The following TMEM52B variants were observed in gnomAD, a reference collection of about 807,000 sequenced individuals.
TMEM52B encodes the protein transmembrane protein 52B.
A neutral mutation model predicts 16.1 loss-of-function variants in TMEM52B; 11 were observed. The observed-to-expected ratio is 0.68, with a 90% CI of 0.43 to 1.13. TMEM52B has a LOEUF of 1.13. Among genes scored for constraint, TMEM52B ranks in the 50% most tolerant of loss-of-function variants. The pLI, the probability that TMEM52B is intolerant of heterozygous loss-of-function variation, is 0.00. For synonymous variants in TMEM52B, 101 were observed against 93.8 expected (o/e 1.08, Z -0.45); for missense variants, 243 against 230.4 (o/e 1.05, Z -0.35).
exon 1 of TMEM52B, chr12:10,170,639 G>A (rs117397291): frequency 0.03 from 4,502 of 151,964 alleles, 119 homozygotes; most frequent in Middle Eastern, 0.11. Flanking sequence ...TTGCAGCCGC[G>A]CACCACCACA....
chr12:10,184,772 C>G (rs568293776), intron 2 of TMEM52B, among the ~76,000 whole-genome samples: 4 of 152,034 alleles, frequency 2.6e-5, no homozygotes, highest in Non-Finnish European at 4.4e-5. Context: ...TATACACAAG[C>G]CTTAAGTTTC....
chr12:10,182,249 C>T, intron 1 of TMEM52B: 1 of 985,164 alleles, frequency 1.0e-6, no homozygotes, highest in Non-Finnish European at 1.2e-6. Context: ...ACAGAGAGAT[C>T]AGGAATTTTC....
Position 10,179,218 on chromosome 12 carries a change from T to C in TMEM52B, c.-357T>C, listed in dbSNP as rs1948794096. On this transcript the variant is annotated 5_prime_UTR_variant, in exon 1 of 5. An upstream start codon of the reference 5' UTR is lost. Coordinates refer to ENST00000543484, the MANE Select transcript of TMEM52B (RefSeq NM_001384896.1). ...AAATACTTCATTCAGAGGACACATA[T>C]GTCCTCTTTGAATGTCTCCTTTTTG... The C allele has an allele frequency of 3.8e-6, 1 of 262,178 alleles. No individual in the cohort carries two copies. The highest frequency in any genetic ancestry group is 2.2e-5 in the African/African-American group (1 of 46,074). The allele number at this position is 262,178 out of a possible 1,614,324, so 16.2% of individuals were successfully genotyped here.
intron 4 of TMEM52B, among the ~76,000 whole-genome samples, chr12:10,189,101 C>T (rs4537851): frequency 0.94 from 131,819 of 139,538 alleles, 62,412 homozygotes; most frequent in East Asian, 1. Context: ...CTCGGGAGGA[C>T]GAGGCAGGAG....
chr12:10,177,481 T>C (rs530310675), upstream of TMEM52B, among the ~76,000 whole-genome samples: 1 of 152,236 alleles, frequency 6.6e-6, no homozygotes, highest in East Asian at 1.9e-4. Flanking sequence ...CATAATTAGA[T>C]TTACTGAGCT....
rs1948961178 is a variant in TMEM52B at position 10,191,752 on chromosome 12, A to G, written c.*1612A>G. On this transcript the variant is annotated 3_prime_UTR_variant, in exon 5 of 5. Transcript: ENST00000543484. ...CTATGTTACTGTTGTCACACCTGAA[A>G]TGGCTTTGTTTTTATCAATAAATAC... The G allele has an allele frequency of 6.6e-6, 1 of 152,218 alleles. No homozygotes were observed. Among genetic ancestry groups the G allele is most frequent in the Non-Finnish European group, 1.5e-5 (1 of 68,046 alleles). The allele number at this position is 152,218 out of a possible 1,614,324, so 9.4% of individuals were successfully genotyped here.
Position 10,189,983 on chromosome 12 carries a change from T to C in TMEM52B, c.395T>C (p.Leu132Ser), listed in dbSNP as rs1244369422. The change falls in exon 5 of 5, where the codon TTG becomes TCG. Residue 132 changes from leucine to serine, a missense_variant. Coordinates refer to ENST00000543484, the MANE Select transcript of TMEM52B (RefSeq NM_001384896.1). ...HSSLGQLPSS[L>S]DTLPGYEEAL... ...TCCCTGGGCCAGCTGCCCTCCTCTT[T>C]GGACACCCTCCCAGGGTATGAAGAA... 1 of 1,614,164 alleles carries C rather than the reference T, an allele frequency of 6.2e-7. No homozygotes were observed.
At chr12:10,187,557 A>G (rs1948895492) in intron 4 of TMEM52B, among the ~76,000 whole-genome samples, 1 of 151,772 alleles carries the variant, frequency 6.6e-6, no homozygotes, top group Non-Finnish European at 1.5e-5. Context: ...AGCAGCCACC[A>G]CCACACCAGG....
At chr12:10,180,277 T>TTG (rs553998071) in intron 1 of TMEM52B, among the ~76,000 whole-genome samples, 1,676 of 117,768 alleles carry the variant, frequency 0.014, 34 homozygotes, top group East Asian at 0.059. Flanking sequence ...TATGGTTTGT[T>TTG]TTTTTTTTTT....
At chr12:10,172,075 C>G (rs747863436) in intron 1 of TMEM52B, 1 of 1,612,792 alleles carries the variant, frequency 6.2e-7, no homozygotes, top group African/African-American at 1.3e-5. Context: ...CATCAAAAGT[C>G]ATTTCCAAAT....
At position 10,179,571 on chromosome 12, in the gene TMEM52B, C is replaced by T; in HGVS notation, c.-4C>T. 6.2e-7 allele frequency: 1 copy of T among 1,614,170 alleles called. No homozygotes were observed. The highest frequency in any genetic ancestry group is 1.1e-5 in the South Asian group (1 of 91,078). On this transcript the variant is annotated 5_prime_UTR_variant, in exon 1 of 5. Coordinates refer to ENST00000543484, the MANE Select transcript of TMEM52B (RefSeq NM_001384896.1). ...AGATTCTGAAGAAGCAGGAATTCAG[C>T]CCGATGGGAGTCCGAGTTCATGTCG...
upstream of TMEM52B, among the ~76,000 whole-genome samples, chr12:10,177,686 C>T (rs1259805821): frequency 5.3e-5 from 8 of 150,730 alleles, no homozygotes; most frequent in Non-Finnish European, 1.2e-4. Context: ...AGGAGAATTG[C>T]TTGAACCCAG....
intron 2 of TMEM52B, among the ~76,000 whole-genome samples, chr12:10,184,720 T>C (rs1160235190): frequency 6.6e-6 from 1 of 152,212 alleles, no homozygotes; most frequent in Non-Finnish European, 1.5e-5. Context: ...TTCATACTCA[T>C]AACTGAAATT....
At chr12:10,182,280 A>G (rs907232936) in intron 1 of TMEM52B, 5 of 985,236 alleles carry the variant, frequency 5.1e-6, no homozygotes, top group South Asian at 4.7e-5. Flanking sequence ...AAATTAATGT[A>G]AATGGCTACC....
At chr12:10,175,001 T>A (rs1948755507), upstream of TMEM52B, among the ~76,000 whole-genome samples, 2 of 152,234 alleles carry the variant, frequency 1.3e-5, no homozygotes, top group Admixed American at 1.3e-4. Flanking sequence ...CGTTTGGGTT[T>A]ATCCTGTTTT....
At chr12:10,188,980 G>A (rs1948919740) in intron 4 of TMEM52B, among the ~76,000 whole-genome samples, 2 of 125,414 alleles carry the variant, frequency 1.6e-5, no homozygotes, top group African/African-American at 3.1e-5. Flanking sequence ...TCGCGCCACT[G>A]CACTCCAGCC....
At chr12:10,183,051 A>T (rs1324531232) in intron 2 of TMEM52B, among the ~76,000 whole-genome samples, 1 of 152,202 alleles carries the variant, frequency 6.6e-6, no homozygotes, top group Admixed American at 6.5e-5. Context: ...TATCACTTTG[A>T]TGTAGTTATC....
chr12:10,179,652 G>A lies in TMEM52B; in HGVS notation c.54+24G>A, dbSNP rs745789774. 10 of 1,613,878 alleles carry A rather than the reference G, an allele frequency of 6.2e-6. No homozygotes were observed. The Admixed American group carries it at 1.0e-4, about 16-fold the overall frequency. ...TGGTGAGTTCAGTGGTGAAAAGGCA[G>A]AAAGAGTATTTTTCCCCAGATTAAT... On this transcript the variant is annotated intron_variant, in intron 1 of 4. Transcript: ENST00000543484.
At chr12:10,186,178 C>G (rs1948877040) in intron 3 of TMEM52B, among the ~76,000 whole-genome samples, 1 of 152,046 alleles carries the variant, frequency 6.6e-6, no homozygotes, top group Non-Finnish European at 1.5e-5. Context: ...GAAGCAGCCC[C>G]CCAAACTACC....
Sources: gnomAD v4.1 joint callset for allele counts (sites outside exome capture counted in the v4.1 genomes callset) on GRCh38, gnomAD v4.1.1 for gene constraint, MANE v1.5 for transcripts, NCBI Gene and HGNC (gene_info 2026-07-23, HGNC 2026-07-21) for gene names.